Variants in CEP250 observed in about 807,000 individuals in gnomAD.
The protein encoded by CEP250 is centrosomal protein 250.
In CEP250, 242 loss-of-function variants were observed where a neutral mutation model predicts 315.7. The observed-to-expected ratio is 0.77, with a 90% CI of 0.69 to 0.85. The LOEUF (loss-of-function observed/expected upper bound fraction) is 0.85. CEP250 is among the 40% of genes least tolerant of loss of function. The pLI is 0.00. For synonymous variants in CEP250, 1,088 were observed against 1,175.0 expected, an observed-to-expected ratio of 0.93 and a Z score of 1.51; for missense variants, 2,515 against 2,886.4, an observed-to-expected ratio of 0.87 and a Z score of 2.95.
In CEP250 at chr20:35,496,604, A is replaced by AC; in HGVS notation, c.3196dup (p.Gln1066ProfsTer10). The AC allele has an allele frequency of 6.2e-7, 1 of 1,614,126 alleles. No individual in the cohort carries two copies. Among genetic ancestry groups the AC allele is most frequent in the South Asian group, 1.1e-5 (1 of 91,076 alleles). On this transcript the variant is annotated frameshift_variant, in exon 25 of 35. Coordinates refer to ENST00000397527, the MANE Select transcript of CEP250 (RefSeq NM_007186.6). LOFTEE classifies it high-confidence loss of function. ...TGACTCTCTCACTGATGGAAAAGGA[A>AC]CAGAGACTCCTTGTTTTACAAGAAG...
chr20:35,475,744 A>G (rs767061383), intron 15 of CEP250, 98 bp downstream of exon 15: 28 of 1,311,374 alleles, frequency 2.1e-5, no homozygotes, highest in Non-Finnish European at 3.0e-5. Flanking sequence ...AGGATCCCTC[A>G]TCTTTCCTCA....
rs1223554951 is a variant in CEP250 at position 35,497,827 on chromosome 20, C to T, written c.3415C>T (p.Arg1139Ter). ...GTCTCATATCACGGAGCAGCAGCTG[C>T]GAGCCTCCTTGTGGGCCCAGGAAGC... is the stretch of plus-strand genomic sequence containing the variant. ...EASHITEQQL[R>*]ASLWAQEAKA... Residue 1139 changes from arginine (R) to a stop codon, truncating the protein, a stop_gained, in exon 26 of 35, where the codon CGA becomes TGA. Coordinates refer to ENST00000397527, the MANE Select transcript of CEP250 (RefSeq NM_007186.6). LOFTEE classifies it high-confidence loss of function. The T allele has an allele frequency of 5.1e-6, 8 of 1,569,512 alleles. No individual in the cohort carries two copies. Among genetic ancestry groups the T allele is most frequent in the Admixed American group, 1.9e-5 (1 of 52,638 alleles).
Position 35,504,271 on chromosome 20 carries a change from G to T in CEP250, c.5902G>T (p.Glu1968Ter). 1 of 1,592,038 alleles carries T rather than the reference G, an allele frequency of 6.3e-7. No homozygotes were observed. Among genetic ancestry groups the T allele is most frequent in the East Asian group, 2.3e-5 (1 of 43,632 alleles). ...AARARAEALQ[E>*]ALGKAHAALQ... is the part of the protein sequence containing the mutation. ...CCGGGCCCGGGCTGAGGCTCTGCAGGAGGCCCTTGGCAAGGCTCATGCTGC... is the reference window on the plus strand; with the variant it reads ...CCGGGCCCGGGCTGAGGCTCTGCAGTAGGCCCTTGGCAAGGCTCATGCTGC... The change falls in exon 30 of 35, where the codon GAG (glutamate) becomes TAG (stop). Residue 1968 changes from glutamate (E) to a stop codon, truncating the protein, a stop_gained. Coordinates refer to ENST00000397527, the MANE Select transcript of CEP250 (RefSeq NM_007186.6). LOFTEE classifies it high-confidence loss of function.
chr20:35,491,700 C>T (rs886280657), intron 22 of CEP250, among the ~76,000 whole-genome samples: 2 of 151,824 alleles, frequency 1.3e-5, no homozygotes, highest in Admixed American at 1.3e-4. Flanking sequence ...GTCAGGAGTT[C>T]GAGACTAGCC....
At chr20:35,485,401 C>G (rs1178683145) in intron 20 of CEP250, among the ~76,000 whole-genome samples, 1 of 151,446 alleles carries the variant, frequency 6.6e-6, no homozygotes, top group African/African-American at 2.4e-5. Context: ...GTAAAAACCA[C>G]TCTTAGCTCA....
chr20:35,475,099 G>A (rs1274888998), intron 14 of CEP250, among the ~76,000 whole-genome samples: 1 of 152,176 alleles, frequency 6.6e-6, no homozygotes, highest in East Asian at 1.9e-4. Flanking sequence ...GGCAAGGTGA[G>A]ATGGGAGGAT....
chr20:35,503,473 CAG>C lies in CEP250; in HGVS notation c.5107_5108del (p.Arg1703AlafsTer15). 6.2e-7 allele frequency: 1 copy of C among 1,614,132 alleles called. No individual in the cohort carries two copies. Among genetic ancestry groups the C allele is most frequent in the Non-Finnish European group, 8.5e-7 (1 of 1,180,026 alleles). On this transcript the variant is annotated frameshift_variant, in exon 30 of 35. Coordinates refer to ENST00000397527, the MANE Select transcript of CEP250 (RefSeq NM_007186.6). LOFTEE classifies it high-confidence loss of function. This position sits in a 1 kb window ranked among gnomAD's most constrained non-coding sequence, Gnocchi z 4.2. Reference protein sequence around the residue: ...LRERGRELTTQRQLMQERAEE... With the variant: ...LRERGRELTTXRQLMQERAEE... Reference sequence around the variant, plus strand: ...AGAGCGAGGCCGGGAGCTGACCACTCAGAGGCAGCTGATGCAGGAACGGGCAG... The same window carrying C: ...AGAGCGAGGCCGGGAGCTGACCACTCAGGCAGCTGATGCAGGAACGGGCAG...
Position 35,491,290 on chromosome 20 carries a change from A to G in CEP250, c.2833A>G (p.Ser945Gly). 2 of 1,605,354 alleles carry G rather than the reference A, an allele frequency of 1.2e-6. No individual in the cohort carries two copies. Among genetic ancestry groups the G allele is most frequent in the Non-Finnish European group, 1.7e-6 (2 of 1,175,486 alleles). Residue 945 changes from serine (S) to glycine (G), a missense_variant, in exon 22 of 35, where the codon AGC (serine) becomes GGC (glycine). Transcript: ENST00000397527. ...LQTQKELADASQQLERLRQDM... is the reference protein window; with the variant it reads ...LQTQKELADAGQQLERLRQDM... ...GACGCAGAAGGAGCTAGCAGATGCC[A>G]GCCAACAACTGGAACGACTGAGGCA...
rs375162297 is a variant in CEP250, at chr20:35,504,321, C to T, written c.5952C>T (p.Leu1984=). The T allele has an allele frequency of 1.4e-5, 22 of 1,589,874 alleles. No individual in the cohort carries two copies. Among genetic ancestry groups the T allele is most frequent in the East Asian group, 1.4e-4 (6 of 43,394 alleles). The change falls in exon 30 of 35, where the codon CTC becomes CTT. Residue 1984 remains leucine, a synonymous_variant. Coordinates refer to ENST00000397527, the MANE Select transcript of CEP250 (RefSeq NM_007186.6). ...HAALQGKEQH[L]LEQAELSRSL... ...CCCTGCAGGGGAAAGAGCAGCATCTCCTCGAGCAGGCAGAATTGAGCCGCA... is the reference window on the plus strand; with the variant it reads ...CCCTGCAGGGGAAAGAGCAGCATCTTCTCGAGCAGGCAGAATTGAGCCGCA...
At position 35,455,743 on chromosome 20, in the gene CEP250, G is replaced by A. The variant is rs943986039; in HGVS notation, c.-306G>A. 4.6e-5 allele frequency: 7 copies of A among 152,192 alleles called. No homozygotes were observed. The highest frequency in any genetic ancestry group is 1.7e-4 in the African/African-American group (7 of 41,430). The allele number at this position is 152,192 out of a possible 1,614,324, so 9.4% of individuals were successfully genotyped here. On this transcript the variant is annotated 5_prime_UTR_variant, in exon 1 of 35. Transcript: ENST00000397527. Reference sequence around the variant, plus strand: ...CACCGAGTTACTTTCCCGGCCCCTCGTTGACACCGTAAGCTCGTTCGTTAG... The same window carrying A: ...CACCGAGTTACTTTCCCGGCCCCTCATTGACACCGTAAGCTCGTTCGTTAG...
chr20:35,498,492 G>A (rs943116455), intron 26 of CEP250, 103 bp from the exon 27 acceptor site: 18 of 1,404,434 alleles, frequency 1.3e-5, no homozygotes, highest in African/African-American at 5.8e-5. Context: ...GGTTCTTTGC[G>A]GAGAGGAGGG....
intron 20 of CEP250, among the ~76,000 whole-genome samples, chr20:35,481,618 ATTT>A (rs199864664): frequency 1.6e-4 from 20 of 123,592 alleles, no homozygotes; most frequent in Admixed American, 2.4e-4. Flanking sequence ...TTCTATTCAG[ATTT>A]TTTTTTTTTT....
chr20:35,493,975 C>A (rs1038424285), intron 23 of CEP250, among the ~76,000 whole-genome samples: 1 of 152,138 alleles, frequency 6.6e-6, no homozygotes, highest in Admixed American at 6.6e-5. Flanking sequence ...TTATAGTCAG[C>A]CTTTTTTTCC....
chr20:35,503,546 A>G lies in CEP250; in HGVS notation c.5177A>G (p.His1726Arg), dbSNP rs749384552. The change falls in exon 30 of 35, where the codon CAC (histidine) becomes CGC (arginine). Residue 1726 changes from histidine (H) to arginine (R), a missense_variant. Transcript: ENST00000397527. This position sits in a 1 kb window ranked among gnomAD's most constrained non-coding sequence, Gnocchi z 4.2. ...AAAGCACAGCGCGGGAGCCTAGAGCACATGAAGCTGATCCTGCGTGATAAG... is the reference window on the plus strand; with the variant it reads ...AAAGCACAGCGCGGGAGCCTAGAGCGCATGAAGCTGATCCTGCGTGATAAG... ...PSKAQRGSLEHMKLILRDKEK... is the reference protein window; with the variant it reads ...PSKAQRGSLERMKLILRDKEK... 2 of 1,613,992 alleles carry G rather than the reference A, an allele frequency of 1.2e-6. No homozygotes were observed. Among genetic ancestry groups the G allele is most frequent in the Non-Finnish European group, 1.7e-6 (2 of 1,180,030 alleles).
Position 35,498,655 on chromosome 20 carries a change from A to C in CEP250, c.3716A>C (p.Glu1239Ala). 2.5e-6 allele frequency: 4 copies of C among 1,608,086 alleles called. No homozygotes were observed. The highest frequency in any genetic ancestry group is 3.4e-6 in the Non-Finnish European group (4 of 1,178,264). The change falls in exon 27 of 35, where the codon GAG becomes GCG. Residue 1239 changes from glutamate (E) to alanine (A), a missense_variant. Transcript: ENST00000397527. ...RGPLLTALSA[E>A]AVASALHKLH... Reference sequence around the variant, plus strand: ...CCCCTGCTGACTGCTCTCTCCGCTGAGGCAGTAGCATCTGCCCTCCACAAG... The same window carrying C: ...CCCCTGCTGACTGCTCTCTCCGCTGCGGCAGTAGCATCTGCCCTCCACAAG...
At position 35,516,909 on chromosome 20, in the gene CEP250, A is replaced by G. The variant is rs1362694029; in HGVS notation, c.*5283A>G. 1.9e-5 allele frequency: 17 copies of G among 874,262 alleles called. No homozygotes were observed. Among genetic ancestry groups the G allele is most frequent in the South Asian group, 1.1e-4 (2 of 19,030 alleles). The allele number at this position is 874,262 out of a possible 1,614,324, so 54.2% of individuals were successfully genotyped here. On this transcript the variant is annotated 3_prime_UTR_variant, in exon 35 of 35. Coordinates refer to ENST00000397527, the MANE Select transcript of CEP250 (RefSeq NM_007186.6). ...TCATTCAGGTTAGACCTCTGAGCAG[A>G]CGGCAGAAACGTCAGCCACAGGTGA...
Position 35,466,114 on chromosome 20 carries a change from T to G in CEP250, c.402T>G (p.Leu134=), listed in dbSNP as rs911048979. 5 of 1,613,752 alleles carry G rather than the reference T, an allele frequency of 3.1e-6. No homozygotes were observed. Among genetic ancestry groups the G allele is most frequent in the Non-Finnish European group, 4.2e-6 (5 of 1,179,974 alleles). Residue 134 remains leucine, a synonymous_variant, in exon 7 of 35, where the codon CTT becomes CTG. Transcript: ENST00000397527. ...AAGCTGACGTGGTGAATAAAGCCCTTAGGGAAGATGTGGAAAAACTGACAG... is the reference window on the plus strand; with the variant it reads ...AAGCTGACGTGGTGAATAAAGCCCTGAGGGAAGATGTGGAAAAACTGACAG... ...MEKADVVNKA[L]REDVEKLTVD... is the part of the protein sequence containing the mutation.
chr20:35,470,029 G>A (rs2062986387), intron 10 of CEP250, 43 bp downstream of exon 10: 2 of 1,331,056 alleles, frequency 1.5e-6, no homozygotes, highest in African/African-American at 2.9e-5. Flanking sequence ...GCGTGGGCTT[G>A]TAGGTTCCTT....
At position 35,477,805 on chromosome 20, in the gene CEP250, G is replaced by A. The variant is rs575455708; in HGVS notation, c.1864-66G>A. The A allele has an allele frequency of 2.0e-5, 26 of 1,278,142 alleles. 2 individuals carry two copies. In the South Asian group the frequency reaches 2.7e-4, roughly 13 times the overall value. 79.2% of individuals were successfully genotyped at this position (1,278,142 alleles called of 1,614,324 possible). On this transcript the variant is annotated intron_variant, in intron 16 of 34. Transcript: ENST00000397527. ...ATATCTCACTTGGATTTCAGTCTTA[G>A]CATTTGATTCCTAAACTAACCATTT...
Sources: allele counts gnomAD v4.1 joint callset (sites outside exome capture counted in the v4.1 genomes callset), GRCh38; gene constraint gnomAD v4.1.1; non-coding constraint Gnocchi (gnomAD v3.1); transcripts MANE v1.5; gene names NCBI Gene and HGNC (gene_info 2026-07-23, HGNC 2026-07-21).